The following CNTNAP2 variants were observed in gnomAD, a reference collection of about 807,000 sequenced individuals.
CNTNAP2 encodes contactin-associated protein-like 2.
Under a neutral mutation model 155.2 loss-of-function variants are expected in CNTNAP2, and 98 were observed. The ratio of observed to expected loss-of-function variants is 0.63; its 90% CI spans 0.54 to 0.75. The LOEUF is 0.75. CNTNAP2 is among the 30% of genes least tolerant of loss of function. CNTNAP2 has a pLI of 0.00. For synonymous variants in CNTNAP2, 651 were observed against 631.2 expected, an observed-to-expected ratio of 1.03 and a Z score of -0.47; for missense variants, 1,727 against 1,688.1, an observed-to-expected ratio of 1.02 and a Z score of -0.40.
At chr7:146,585,751 G>A (rs347179) in intron 1 of CNTNAP2, among the ~76,000 whole-genome samples, 110,285 of 145,960 alleles carry the variant, frequency 0.76, 41,231 homozygotes, top group South Asian at 0.86. Context: ...AAAGAAAGAA[G>A]GAAAGAAAGA....
intron 1 of CNTNAP2, among the ~76,000 whole-genome samples, chr7:146,612,462 A>G (rs949244842): frequency 1.3e-5 from 2 of 152,174 alleles, no homozygotes; most frequent in African/African-American, 4.8e-5. Flanking sequence ...AGATTCTGCC[A>G]ATGGTTTAAT....
At chr7:147,116,918 G>A (rs1423696585) in intron 5 of CNTNAP2, among the ~76,000 whole-genome samples, 1 of 152,216 alleles carries the variant, frequency 6.6e-6, no homozygotes, top group African/African-American at 2.4e-5. Flanking sequence ...ACTCTCCAAA[G>A]CCCACAGGCT....
chr7:148,414,850 T>C (rs931564584), intron 23 of CNTNAP2: 53 of 163,882 alleles, frequency 3.2e-4, no homozygotes, highest in African/African-American at 1.2e-3. Flanking sequence ...CAGCCCTCCG[T>C]GAGCTCTGGT....
chr7:146,785,080 C>T (rs1802553110), intron 2 of CNTNAP2, among the ~76,000 whole-genome samples: 1 of 151,772 alleles, frequency 6.6e-6, no homozygotes, highest in African/African-American at 2.4e-5. Context: ...AGGTGATCCT[C>T]CCATCTCAGC....
chr7:147,251,828 C>T (rs1377509864), intron 8 of CNTNAP2, among the ~76,000 whole-genome samples: 3 of 152,150 alleles, frequency 2.0e-5, no homozygotes, highest in East Asian at 3.8e-4. Context: ...TACTTATCTT[C>T]AGTTTAAAGT....
intron 1 of CNTNAP2, among the ~76,000 whole-genome samples, chr7:146,757,135 A>G (rs2129183390): frequency 6.6e-6 from 1 of 152,260 alleles, no homozygotes; most frequent in South Asian, 2.1e-4. Context: ...TGACATAAGC[A>G]GACAGTGATC....
At chr7:148,244,710 G>A (rs896788485) in intron 20 of CNTNAP2, among the ~76,000 whole-genome samples, 9 of 151,778 alleles carry the variant, frequency 5.9e-5, no homozygotes, top group African/African-American at 1.9e-4. Context: ...CCACAGGCAT[G>A]AGCCACCACA....
intron 10 of CNTNAP2, among the ~76,000 whole-genome samples, chr7:147,398,047 C>T (rs894556931): frequency 6.6e-6 from 1 of 152,008 alleles, no homozygotes; most frequent in Non-Finnish European, 1.5e-5. Context: ...CTAAAATGTT[C>T]CCAGTTCAAA....
intron 1 of CNTNAP2, among the ~76,000 whole-genome samples, chr7:146,147,076 G>A (rs1017425658): frequency 6.6e-6 from 1 of 152,122 alleles, no homozygotes; most frequent in Admixed American, 6.6e-5. Flanking sequence ...TGATAACCCG[G>A]AAGTGACCAC....
At position 146,630,887 on chromosome 7, in the gene CNTNAP2, C is replaced by G. The variant is rs556054233; in HGVS notation, c.98-143384C>G. On this transcript the variant is annotated intron_variant, in intron 1 of 23. Coordinates refer to ENST00000361727, the MANE Select transcript of CNTNAP2 (RefSeq NM_014141.6). The stretch of plus-strand genomic sequence containing the variant: ...GACCTCTTCAAGGAGTATTACAAAC[C>G]ACTGCTCAAGGAAATAAGAGAGAAC... Among the ~76,000 whole-genome samples the G allele has an allele frequency of 6.6e-5, 10 of 152,026 alleles. No individual in the cohort carries two copies. In the East Asian group the frequency reaches 1.9e-3, roughly 29 times the overall value.
At chr7:146,435,781 T>C (rs1298190271) in intron 1 of CNTNAP2, among the ~76,000 whole-genome samples, 1 of 152,174 alleles carries the variant, frequency 6.6e-6, no homozygotes, top group Admixed American at 6.5e-5. Context: ...TAGGAGTCGT[T>C]CCTCTCCTCA....
At chr7:147,990,180 T>C (rs1343584614) in intron 15 of CNTNAP2, among the ~76,000 whole-genome samples, 1 of 152,080 alleles carries the variant, frequency 6.6e-6, no homozygotes, top group African/African-American at 2.4e-5. Context: ...TCTAGCCAAA[T>C]GAAGAGATGC....
At chr7:146,728,324 C>A (rs1441950851) in intron 1 of CNTNAP2, among the ~76,000 whole-genome samples, 1 of 152,050 alleles carries the variant, frequency 6.6e-6, no homozygotes, top group African/African-American at 2.4e-5. Context: ...GTGGGGAGGT[C>A]ACGGAAAGCT....
chr7:146,759,160 G>C lies in CNTNAP2; in HGVS notation c.98-15111G>C, dbSNP rs116030730. Among the ~76,000 whole-genome samples the C allele has an allele frequency of 8.8e-3, 1,335 of 151,998 alleles. 8 individuals are homozygous for C. The highest frequency in any genetic ancestry group is 0.017 in the Middle Eastern group (5 of 292). ...AAACATTATCAATACTATATGTCAA[G>C]GCAAGCAACTTTCTTTGGAATATAA... On this transcript the variant is annotated intron_variant, in intron 1 of 23. Coordinates refer to ENST00000361727, the MANE Select transcript of CNTNAP2 (RefSeq NM_014141.6).
intron 2 of CNTNAP2, among the ~76,000 whole-genome samples, chr7:146,820,255 C>T (rs1585106079): frequency 1.3e-5 from 2 of 152,220 alleles, no homozygotes; most frequent in South Asian, 2.1e-4. Flanking sequence ...GGAAAATTCA[C>T]TGTCCTATAA....
intron 20 of CNTNAP2, among the ~76,000 whole-genome samples, chr7:148,240,044 C>G (rs576461710): frequency 4.9e-4 from 75 of 152,310 alleles, no homozygotes; most frequent in Non-Finnish European, 7.5e-4. Flanking sequence ...TTTCTGAAGC[C>G]TGATTTGGAT....
chr7:148,157,243 T>C (rs1805415741), intron 17 of CNTNAP2, among the ~76,000 whole-genome samples: 1 of 152,164 alleles, frequency 6.6e-6, no homozygotes, highest in Admixed American at 6.5e-5. Context: ...CAGAAATAAA[T>C]GAATACGTTT....
chr7:146,848,679 A>G (rs568796665), intron 3 of CNTNAP2, among the ~76,000 whole-genome samples: 1 of 151,558 alleles, frequency 6.6e-6, no homozygotes, highest in East Asian at 1.9e-4. Flanking sequence ...AAGCAGATGA[A>G]TCTTCTGCTG....
chr7:147,794,974 A>G (rs899590347), intron 13 of CNTNAP2, among the ~76,000 whole-genome samples: 3 of 149,076 alleles, frequency 2.0e-5, no homozygotes, highest in African/African-American at 7.4e-5. Context: ...AGTCTTTTCC[A>G]TTTTGTTTTC....
Sources: allele counts gnomAD v4.1 joint callset (sites outside exome capture counted in the v4.1 genomes callset), GRCh38; gene constraint gnomAD v4.1.1; transcripts MANE v1.5; gene names NCBI Gene and HGNC (gene_info 2026-07-23, HGNC 2026-07-21).